The following TAOK1 variants were observed in gnomAD, a reference collection of about 807,000 sequenced individuals.
TAOK1 encodes the protein TAO kinase 1, also known as serine/threonine-protein kinase TAO1.
In TAOK1, 21 loss-of-function variants were observed where a neutral mutation model predicts 138.3. That is an observed-to-expected ratio of 0.15 (90% CI 0.11 to 0.22). The LOEUF (loss-of-function observed/expected upper bound fraction) is 0.22, where lower values mean the gene tolerates loss of function less well. TAOK1 is among the 10% of genes least tolerant of loss of function. TAOK1 has a pLI of 1.00. For synonymous variants in TAOK1, 361 were observed against 398.4 expected, an observed-to-expected ratio of 0.91 and a Z score of 1.12; for missense variants, 651 against 1,227.7, an observed-to-expected ratio of 0.53 and a Z score of 7.02.
intron 3 of TAOK1, among the ~76,000 whole-genome samples, chr17:29,470,861 G>A (rs886344947): frequency 2.0e-5 from 3 of 152,166 alleles, no homozygotes; most frequent in Non-Finnish European, 2.9e-5. Context: ...AGTGGCTTAC[G>A]CCTGTAATCC....
chr17:29,396,048 A>G (rs1904591526), intron 1 of TAOK1, among the ~76,000 whole-genome samples: 1 of 152,126 alleles, frequency 6.6e-6, no homozygotes, highest in Non-Finnish European at 1.5e-5. Context: ...GAGAGGATAC[A>G]ACCTGTATTA....
rs1367219319 is a variant in TAOK1 at position 29,495,549 on chromosome 17, A to C, written c.832-11A>C. 1.3e-6 allele frequency: 2 copies of C among 1,563,496 alleles called. No homozygotes were observed. Among genetic ancestry groups the C allele is most frequent in the East Asian group, 2.3e-5 (1 of 44,402 alleles). Reference sequence around the variant, plus strand: ...AAAAAAAATCAACCTTTTACCTTCTACCCTATCTAGCACATATTTGTTCTT... The same window carrying C: ...AAAAAAAATCAACCTTTTACCTTCTCCCCTATCTAGCACATATTTGTTCTT... On this transcript the variant is annotated splice_polypyrimidine_tract_variant and intron_variant, in intron 10 of 19. Coordinates refer to ENST00000261716, the MANE Select transcript of TAOK1 (RefSeq NM_020791.4).
intron 12 of TAOK1, among the ~76,000 whole-genome samples, chr17:29,499,678 G>C (rs1249550405): frequency 6.6e-6 from 1 of 150,504 alleles, no homozygotes; most frequent in African/African-American, 2.5e-5. Flanking sequence ...TTGTTCCTCA[G>C]CCTCCTGAGT....
chr17:29,488,185 C>T (rs1202127436), intron 8 of TAOK1, among the ~76,000 whole-genome samples: 1 of 152,132 alleles, frequency 6.6e-6, no homozygotes, highest in African/African-American at 2.4e-5. Flanking sequence ...TGCATATAAC[C>T]TATGCATATC....
chr17:29,498,246 T>G, intron 11 of TAOK1, 72 bp from the exon 12 acceptor site: 1 of 1,520,422 alleles, frequency 6.6e-7, no homozygotes, highest in Non-Finnish European at 9.1e-7. Context: ...TGCTAGGTGC[T>G]TATAGTCAAG....
In TAOK1 at chr17:29,543,040, G is replaced by C; in HGVS notation, c.*18G>C. The C allele has an allele frequency of 6.6e-7, 1 of 1,521,916 alleles. No individual in the cohort carries two copies. The highest frequency in any genetic ancestry group is 8.9e-7 in the Non-Finnish European group (1 of 1,126,856). 94.3% of individuals were successfully genotyped at this position (1,521,916 alleles called of 1,614,324 possible). ...ATACATAACTTAATAATTGAGAGTG[G>C]CAATTCCGCTGGAGCTGTCTGCCAA... is the stretch of plus-strand genomic sequence containing the variant. On this transcript the variant is annotated 3_prime_UTR_variant, in exon 20 of 20. Transcript: ENST00000261716.
intron 8 of TAOK1, among the ~76,000 whole-genome samples, chr17:29,483,270 G>T (rs1353692815): frequency 6.6e-6 from 1 of 151,946 alleles, no homozygotes; most frequent in Non-Finnish European, 1.5e-5. Flanking sequence ...CAGAGACAGG[G>T]TTTCGCCATG....
intron 3 of TAOK1, among the ~76,000 whole-genome samples, chr17:29,469,615 A>G (rs753641663): frequency 5.3e-5 from 8 of 152,218 alleles, no homozygotes; most frequent in Non-Finnish European, 8.8e-5. Context: ...AAGTTCATCC[A>G]TGTTGTAGTT....
At position 29,551,800 on chromosome 17, in the gene TAOK1, C is replaced by T. The variant is rs1485309392; in HGVS notation, c.*8778C>T. ...TTACCAAGTTGTCAGAACATAAGAG[C>T]GAAAACAAGGTCATATGTAATATTT... On this transcript the variant is annotated 3_prime_UTR_variant, in exon 20 of 20. Transcript: ENST00000261716. 3 of 152,434 alleles carry T rather than the reference C, an allele frequency of 2.0e-5. No homozygotes were observed. The highest frequency in any genetic ancestry group is 4.8e-5 in the African/African-American group (2 of 41,374). The allele number at this position is 152,434 out of a possible 1,614,324, so 9.4% of individuals were successfully genotyped here.
intron 2 of TAOK1, among the ~76,000 whole-genome samples, chr17:29,466,801 T>G (rs921542092): frequency 6.6e-6 from 1 of 152,192 alleles, no homozygotes; most frequent in Non-Finnish European, 1.5e-5. Context: ...AGTTGTCTGT[T>G]TCATTGAGAT....
At chr17:29,406,385 G>T (rs766992050) in intron 1 of TAOK1, among the ~76,000 whole-genome samples, 2 of 151,886 alleles carry the variant, frequency 1.3e-5, no homozygotes, top group African/African-American at 2.4e-5. Context: ...AGTACAAAGG[G>T]TATTATATAC....
intron 14 of TAOK1, 147 bp downstream of exon 14, chr17:29,508,279 G>C: frequency 1.5e-6 from 1 of 674,544 alleles, no homozygotes; most frequent in South Asian, 1.9e-5. Flanking sequence ...CTTATATAAA[G>C]GTTTCTGTAA....
chr17:29,490,028 TA>T (rs149188404), intron 9 of TAOK1, among the ~76,000 whole-genome samples: 2,288 of 152,218 alleles, frequency 0.015, 56 homozygotes, highest in African/African-American at 0.053. Context: ...ACTTTCTCTT[TA>T]AATTTAGGAA....
chr17:29,413,446 A>C (rs1196561838), intron 1 of TAOK1, among the ~76,000 whole-genome samples: 1 of 152,072 alleles, frequency 6.6e-6, no homozygotes, highest in Non-Finnish European at 1.5e-5. Context: ...AAGTACAAAA[A>C]TTAGCTGGGC....
At chr17:29,486,501 C>T (rs2031177183) in intron 8 of TAOK1, among the ~76,000 whole-genome samples, 1 of 151,972 alleles carries the variant, frequency 6.6e-6, no homozygotes, top group Non-Finnish European at 1.5e-5. Context: ...GGCGTGGTGG[C>T]GCATCCCGGT....
At chr17:29,501,256 A>T (rs2031522760) in intron 12 of TAOK1, among the ~76,000 whole-genome samples, 1 of 151,274 alleles carries the variant, frequency 6.6e-6, no homozygotes, top group Non-Finnish European at 1.5e-5. Context: ...AAGAAAAGAA[A>T]AACAGCCAGG....
intron 1 of TAOK1, among the ~76,000 whole-genome samples, chr17:29,427,609 C>A (rs183670222): frequency 4.0e-5 from 6 of 149,776 alleles, no homozygotes. Context: ...TTTTTGGAAG[C>A]AGAGAAGTGA....
rs568140028 is a variant in TAOK1, at chr17:29,533,884, A to T, written c.2362-234A>T. On this transcript the variant is annotated intron_variant, in intron 18 of 19. Transcript: ENST00000261716. The stretch of plus-strand genomic sequence containing the variant: ...ATTCTAGGTTTTTCTTAAGAAAAAT[A>T]TGGTTATTCAGGCATCTTCCAAATA... Among the ~76,000 whole-genome samples, 4 of 151,918 alleles carry T rather than the reference A, an allele frequency of 2.6e-5. No individual in the cohort carries two copies. The East Asian group carries it at 7.7e-4, about 29-fold the overall frequency.
chr17:29,436,309 G>A (rs1369571002), intron 1 of TAOK1, among the ~76,000 whole-genome samples: 1 of 152,140 alleles, frequency 6.6e-6, no homozygotes, highest in Non-Finnish European at 1.5e-5. Flanking sequence ...TTCAAAATGA[G>A]TTTCCTTGAC....
Sources: gnomAD v4.1 joint callset for allele counts (sites outside exome capture counted in the v4.1 genomes callset) on GRCh38, gnomAD v4.1.1 for gene constraint, MANE v1.5 for transcripts, NCBI Gene and HGNC (gene_info 2026-07-23, HGNC 2026-07-21) for gene names.